DNAI4: variants seen among roughly 807,000 people sequenced by gnomAD.
DNAI4 encodes the protein WD repeat domain 78.
DNAI4 carries 85 observed loss-of-function variants against 105.8 expected under a neutral mutation model. The observed-to-expected ratio is 0.80, with a 90% CI of 0.67 to 0.96. The LOEUF (loss-of-function observed/expected upper bound fraction) is 0.96, where lower values mean the gene tolerates loss of function less well. DNAI4 is among the 40% of genes least tolerant of loss of function. The probability of loss-of-function intolerance (pLI) is 0.00; values close to 1 mark genes in which losing one functional copy is unlikely to be tolerated. For missense variants in DNAI4, 1,014 were observed against 1,005.6 expected (o/e 1.01, Z -0.11); for synonymous variants, 352 against 331.5 (o/e 1.06, Z -0.67).
chr1:66,839,913 A>G (rs1366419497), intron 9 of DNAI4, among the ~76,000 whole-genome samples: 1 of 152,182 alleles, frequency 6.6e-6, no homozygotes, highest in Non-Finnish European at 1.5e-5. Context: ...GAGAAAAATA[A>G]TAGTACCTAA....
At chr1:66,915,871 C>T (rs1295637001) in intron 1 of DNAI4, among the ~76,000 whole-genome samples, 2 of 151,794 alleles carry the variant, frequency 1.3e-5, no homozygotes, top group African/African-American at 4.8e-5. Flanking sequence ...GTCTGTAATC[C>T]AACACTTTGG....
Position 66,833,688 on chromosome 1 carries a change from C to T in DNAI4, c.1910G>A (p.Arg637Lys). Reference protein sequence around the residue: ...LDCYDLMRLKRTTAASNKKGG... With the variant: ...LDCYDLMRLKKTTAASNKKGG... ...TTTTTTGTTACTGGCAGCTGTAGTT[C>T]TCTTTAATCGCATCAAATCTGTATT... Residue 637 changes from arginine (R) to lysine (K), a missense_variant, in exon 13 of 17, where the codon AGA becomes AAA. Physicochemically the swap from Arg to Lys is conservative, Grantham distance 26. Transcript: ENST00000371026. The T allele has an allele frequency of 6.2e-7, 1 of 1,612,848 alleles. No individual in the cohort carries two copies. Among genetic ancestry groups the T allele is most frequent in the Non-Finnish European group, 8.5e-7 (1 of 1,179,380 alleles).
Position 66,822,361 on chromosome 1 carries a change from C to A in DNAI4, c.2496G>T (p.Arg832=), listed in dbSNP as rs145354917. The A allele has an allele frequency of 1.9e-6, 3 of 1,599,012 alleles. No individual in the cohort carries two copies. Among genetic ancestry groups the A allele is most frequent in the Non-Finnish European group, 2.6e-6 (3 of 1,174,182 alleles). ...RNMPTVLETG[R]GDIMDTLLGS... Reference sequence around the variant, plus strand: ...AAATTTTTTTACTCTTGAGTCTTACCCGGCCAGTTTCCAAAACAGTAGGCA... The same window carrying A: ...AAATTTTTTTACTCTTGAGTCTTACACGGCCAGTTTCCAAAACAGTAGGCA... The change falls in exon 16 of 17, where the codon CGG becomes CGT. Residue 832 remains arginine, a splice_region_variant and synonymous_variant. Transcript: ENST00000371026.
intron 12 of DNAI4, 48 bp from the exon 13 acceptor site, chr1:66,833,754 G>C: frequency 6.3e-7 from 1 of 1,590,384 alleles, no homozygotes; most frequent in Non-Finnish European, 8.6e-7. Flanking sequence ...CCACATGAAA[G>C]AGTACCGCAA....
intron 3 of DNAI4, among the ~76,000 whole-genome samples, chr1:66,892,971 AAGAAAGAAAGAAAGAAAGAAAGAAAGAG>A (rs1243198424): frequency 2.2e-4 from 30 of 136,436 alleles, no homozygotes; most frequent in African/African-American, 9.0e-4. Flanking sequence ...GAAAGAAAGA[AAGAAAGAAAGAAAGAAAGAAAGAAAGAG>A]AGAAAGAGAG....
intron 7 of DNAI4, among the ~76,000 whole-genome samples, chr1:66,858,387 G>A (rs1646548409): frequency 6.6e-6 from 1 of 151,664 alleles, no homozygotes; most frequent in Non-Finnish European, 1.5e-5. Context: ...AAAAAAATTA[G>A]CCGGGCGTGG....
chr1:66,902,957 G>C (rs371871907), intron 2 of DNAI4, among the ~76,000 whole-genome samples: 4 of 152,296 alleles, frequency 2.6e-5, no homozygotes, highest in African/African-American at 7.2e-5. Context: ...TGTGTAATAA[G>C]TTTTAAAATC....
intron 10 of DNAI4, among the ~76,000 whole-genome samples, chr1:66,837,147 T>C (rs770221358): frequency 2.6e-5 from 4 of 152,102 alleles, no homozygotes; most frequent in Non-Finnish European, 5.9e-5. Flanking sequence ...GGCTGGATCA[T>C]GAGGTCAAGA....
At position 66,824,352 on chromosome 1, in the gene DNAI4, C is replaced by T. The variant is rs1189837897; in HGVS notation, c.2340-1835G>A. ...TTGAAGTCAAGTAGTGTGATGCCTCCAGCTTTGTTCTTTTGGCTTAGGATT... is the reference window on the plus strand; with the variant it reads ...TTGAAGTCAAGTAGTGTGATGCCTCTAGCTTTGTTCTTTTGGCTTAGGATT... On this transcript the variant is annotated intron_variant, in intron 15 of 16. Transcript: ENST00000371026. Among the ~76,000 whole-genome samples the T allele has an allele frequency of 2.6e-5, 4 of 151,452 alleles. No homozygotes were observed. The East Asian group carries it at 5.8e-4, about 22-fold the overall frequency.
chr1:66,865,417 C>T (rs1244784769), intron 6 of DNAI4, among the ~76,000 whole-genome samples: 1 of 152,064 alleles, frequency 6.6e-6, no homozygotes, highest in African/African-American at 2.4e-5. Flanking sequence ...GAGCAAGACC[C>T]CATCTCAAAA....
chr1:66,836,216 G>GAGAGAGAA (rs1645998781), intron 10 of DNAI4, among the ~76,000 whole-genome samples: 4 of 99,540 alleles, frequency 4.0e-5, no homozygotes, highest in Non-Finnish European at 8.4e-5. Flanking sequence ...AAGAGAGAGA[G>GAGAGAGAA]AGAGAGAGAG....
At chr1:66,921,070 A>T (rs890307689) in intron 1 of DNAI4, among the ~76,000 whole-genome samples, 10 of 152,242 alleles carry the variant, frequency 6.6e-5, no homozygotes, top group African/African-American at 2.4e-4. Flanking sequence ...GATATTTTGT[A>T]ACTGTAAGAC....
intron 15 of DNAI4, among the ~76,000 whole-genome samples, chr1:66,824,568 A>C (rs1460332415): frequency 5.3e-5 from 8 of 151,088 alleles, no homozygotes; most frequent in African/African-American, 1.5e-4. Flanking sequence ...ATTTGTTTGT[A>C]TCCTCTTTTA....
rs1646175332 is a variant in DNAI4, at chr1:66,842,644, AC to A, written c.1292-1974del. Among the ~76,000 whole-genome samples the A allele has an allele frequency of 2.0e-5, 3 of 152,132 alleles. No homozygotes were observed. The South Asian group carries it at 6.2e-4, about 32-fold the overall frequency. On this transcript the variant is annotated intron_variant, in intron 8 of 16. Coordinates refer to ENST00000371026, the MANE Select transcript of DNAI4 (RefSeq NM_024763.5). Reference sequence around the variant, plus strand: ...ACTCCTTTCCTCAAGTGGCCTGCCCACCTCAGCCTCCCAAAGTGCTGGGATT... The same window carrying A: ...ACTCCTTTCCTCAAGTGGCCTGCCCACTCAGCCTCCCAAAGTGCTGGGATT...
intron 8 of DNAI4, among the ~76,000 whole-genome samples, chr1:66,841,559 C>A (rs906237986): frequency 6.6e-6 from 1 of 151,882 alleles, no homozygotes; most frequent in Non-Finnish European, 1.5e-5. Context: ...GAGATGGGGG[C>A]GGGGGTCTTA....
intron 4 of DNAI4, among the ~76,000 whole-genome samples, chr1:66,886,465 A>G (rs1647203597): frequency 6.6e-6 from 1 of 152,202 alleles, no homozygotes; most frequent in Non-Finnish European, 1.5e-5. Context: ...CAGCAGAAGA[A>G]TTGATAGCAC....
At chr1:66,833,552 T>A (rs756038741) in intron 13 of DNAI4, 33 bp downstream of exon 13, 2 of 1,603,670 alleles carry the variant, frequency 1.2e-6, no homozygotes. Context: ...GAAATTGTTA[T>A]GTCCAGTGGT....
intron 15 of DNAI4, among the ~76,000 whole-genome samples, chr1:66,824,517 G>A (rs868087479): frequency 1.3e-5 from 2 of 151,850 alleles, no homozygotes; most frequent in African/African-American, 2.4e-5. Flanking sequence ...CCATTTTCTC[G>A]ATATTGATTC....
chr1:66,868,149 C>T (rs897440957), intron 6 of DNAI4, among the ~76,000 whole-genome samples: 2 of 152,170 alleles, frequency 1.3e-5, no homozygotes, highest in Non-Finnish European at 2.9e-5. Context: ...TAAGTTGTTG[C>T]TATAGGGATT....
Sources: allele counts gnomAD v4.1 joint callset (sites outside exome capture counted in the v4.1 genomes callset), GRCh38; gene constraint gnomAD v4.1.1; transcripts MANE v1.5; gene names NCBI Gene and HGNC (gene_info 2026-07-23, HGNC 2026-07-21).